The following ADGRB3 variants were observed in gnomAD, a reference collection of about 807,000 sequenced individuals.
ADGRB3 encodes brain-specific angiogenesis inhibitor 3.
A neutral mutation model predicts 193.4 loss-of-function variants in ADGRB3; 37 were observed. That is an observed-to-expected ratio of 0.19 (90% CI 0.15 to 0.25). The LOEUF (loss-of-function observed/expected upper bound fraction) is 0.25. Ranked by LOEUF, ADGRB3 falls within the 10% of genes least tolerant of loss-of-function variation. The pLI is 1.00. For synonymous variants in ADGRB3, 690 were observed against 644.2 expected (o/e 1.07, Z -1.08); for missense variants, 1,637 against 1,852.9 (o/e 0.88, Z 2.14).
intron 20 of ADGRB3, among the ~76,000 whole-genome samples, chr6:69,259,506 T>C (rs1766867013): frequency 1.3e-5 from 2 of 152,054 alleles, no homozygotes; most frequent in South Asian, 4.1e-4. Context: ...CCATCCTGGC[T>C]AACACGGTGA....
chr6:68,898,716 A>G (rs956665222), intron 3 of ADGRB3, among the ~76,000 whole-genome samples: 5 of 152,136 alleles, frequency 3.3e-5, no homozygotes, highest in Admixed American at 6.6e-5. Context: ...AAAACAGGTA[A>G]CTAAGCTATC....
intron 11 of ADGRB3, among the ~76,000 whole-genome samples, chr6:68,998,130 A>G (rs1769446410): frequency 6.6e-6 from 1 of 152,180 alleles, no homozygotes; most frequent in African/African-American, 2.4e-5. Context: ...ACAACTTCAT[A>G]AATCAGAATA....
chr6:69,031,791 C>T (rs1003358280), intron 13 of ADGRB3, among the ~76,000 whole-genome samples: 17 of 151,564 alleles, frequency 1.1e-4, no homozygotes, highest in African/African-American at 3.9e-4. Flanking sequence ...TGCGCCACCA[C>T]GCCAGGCTAA....
chr6:68,988,835 C>A (rs1486086859), intron 10 of ADGRB3, among the ~76,000 whole-genome samples: 1 of 152,128 alleles, frequency 6.6e-6, no homozygotes, highest in African/African-American at 2.4e-5. Context: ...AAACCCTATG[C>A]ATTCTCAGGC....
chr6:69,318,081 C>A (rs1012020746), intron 20 of ADGRB3, among the ~76,000 whole-genome samples: 64 of 151,062 alleles, frequency 4.2e-4, no homozygotes, highest in African/African-American at 1.5e-3. Context: ...TTTGTCTTTT[C>A]TTGTATTGTT....
chr6:69,274,970 A>G (rs117927221), intron 20 of ADGRB3, among the ~76,000 whole-genome samples: 2,505 of 152,250 alleles, frequency 0.016, 30 homozygotes, highest in Non-Finnish European at 0.026. Context: ...GGTGGATTCT[A>G]TTATTAAATA....
At chr6:68,669,604 TTGTGTGTGTGTG>T (rs59849376) in intron 3 of ADGRB3, among the ~76,000 whole-genome samples, 72 of 134,750 alleles carry the variant, frequency 5.3e-4, no homozygotes, top group African/African-American at 1.4e-3. Flanking sequence ...TAATACTCCA[TTGTGTGTGTGTG>T]TGTGTGTGTG....
chr6:69,233,299 T>G lies in ADGRB3; in HGVS notation c.2490T>G (p.Ser830=), dbSNP rs756674665. The change falls in exon 18 of 32, where the codon TCT becomes TCG. Residue 830 remains serine, a synonymous_variant. Coordinates refer to ENST00000370598, the MANE Select transcript of ADGRB3 (RefSeq NM_001704.3). The part of the protein sequence containing the change: ...VLWDDSKTNE[S]LGTWSTQGCK... ...TCACTCCCCTTTGCAGGAACGAGTC[T>G]TTGGGAACGTGGTCCACCCAGGGAT... 2.5e-6 allele frequency: 4 copies of G among 1,613,706 alleles called. No homozygotes were observed. The African/African-American group carries it at 5.3e-5, about 22-fold the overall frequency.
intron 3 of ADGRB3, among the ~76,000 whole-genome samples, chr6:68,841,899 G>A (rs370690890): frequency 6.6e-6 from 1 of 151,158 alleles, no homozygotes; most frequent in East Asian, 1.9e-4. Context: ...GGCAAGGAGT[G>A]GGATTGCTTA....
chr6:68,951,852 G>C (rs138518034), intron 6 of ADGRB3, among the ~76,000 whole-genome samples: 1 of 152,062 alleles, frequency 6.6e-6, no homozygotes, highest in African/African-American at 2.4e-5. Context: ...CTACTACCTC[G>C]CTGCTGAGCC....
chr6:69,310,732 A>C (rs1260765283), intron 20 of ADGRB3, among the ~76,000 whole-genome samples: 1 of 151,650 alleles, frequency 6.6e-6, no homozygotes, highest in Non-Finnish European at 1.5e-5. Context: ...CTGATGTAGG[A>C]TTTTCTTACA....
At chr6:68,792,985 G>A (rs890911288) in intron 3 of ADGRB3, among the ~76,000 whole-genome samples, 1 of 151,866 alleles carries the variant, frequency 6.6e-6, no homozygotes, top group Middle Eastern at 3.2e-3. Flanking sequence ...CTGTTTGTTT[G>A]TCTGTTTTTT....
At chr6:69,031,024 T>TCCTCTTCTCTTC (rs1770642141) in intron 13 of ADGRB3, among the ~76,000 whole-genome samples, 1 of 84,668 alleles carries the variant, frequency 1.2e-5, no homozygotes, top group Non-Finnish European at 2.5e-5. Flanking sequence ...TCTTTTTTTT[T>TCCTCTTCTCTTC]TCCTCTTCTC....
chr6:68,736,794 A>AT (rs1374552240), intron 3 of ADGRB3, among the ~76,000 whole-genome samples: 1 of 152,012 alleles, frequency 6.6e-6, no homozygotes, highest in Non-Finnish European at 1.5e-5. Flanking sequence ...TTATTTTTAC[A>AT]TTTTTTAATA....
intron 17 of ADGRB3, among the ~76,000 whole-genome samples, chr6:69,159,204 C>T (rs1774924233): frequency 6.6e-6 from 1 of 151,994 alleles, no homozygotes; most frequent in Non-Finnish European, 1.5e-5. Flanking sequence ...TCACACTCCT[C>T]CTAATCTACT....
At chr6:69,207,920 G>A (rs1473447490) in intron 17 of ADGRB3, among the ~76,000 whole-genome samples, 2 of 152,140 alleles carry the variant, frequency 1.3e-5, no homozygotes, top group Admixed American at 6.5e-5. Context: ...AACCCAGTGG[G>A]GACAAATCTC....
chr6:68,989,965 A>G (rs747149948), intron 10 of ADGRB3, among the ~76,000 whole-genome samples: 1 of 152,094 alleles, frequency 6.6e-6, no homozygotes, highest in East Asian at 1.9e-4. Context: ...TGAGAGAGAA[A>G]TATTGAAGAA....
At chr6:68,801,480 G>A (rs1245452244) in intron 3 of ADGRB3, among the ~76,000 whole-genome samples, 2 of 152,198 alleles carry the variant, frequency 1.3e-5, no homozygotes, top group African/African-American at 4.8e-5. Flanking sequence ...TTGAGGTCAG[G>A]AGTTTCAGAC....
chr6:69,215,799 C>G (rs558954330), intron 17 of ADGRB3, among the ~76,000 whole-genome samples: 1 of 152,284 alleles, frequency 6.6e-6, no homozygotes, highest in Admixed American at 6.5e-5. Context: ...AACCAAATTT[C>G]TCTGGCTTGT....
Sources: gnomAD v4.1 joint callset for allele counts (sites outside exome capture counted in the v4.1 genomes callset) on GRCh38, gnomAD v4.1.1 for gene constraint, MANE v1.5 for transcripts, NCBI Gene and HGNC (gene_info 2026-07-23, HGNC 2026-07-21) for gene names.